C13orf42: variants seen among roughly 807,000 people sequenced by gnomAD.
The protein encoded by C13orf42 is uncharacterized protein C13orf42.
At chr13:51,125,352 G>C (rs1218349360) in intron 1 of C13orf42, among the ~76,000 whole-genome samples, 1 of 152,150 alleles carries the variant, frequency 6.6e-6, no homozygotes. Context: ...GAAGGAACTT[G>C]AGTGAAACTG....
chr13:51,139,097 G>A (rs1176496569), intron 1 of C13orf42, among the ~76,000 whole-genome samples: 3 of 152,048 alleles, frequency 2.0e-5, no homozygotes, highest in South Asian at 2.1e-4. Flanking sequence ...TGGGTGGGTC[G>A]CTTGAGGTCA....
intron 1 of C13orf42, among the ~76,000 whole-genome samples, chr13:51,150,861 T>G (rs1207399767): frequency 6.6e-6 from 1 of 152,152 alleles, no homozygotes; most frequent in Non-Finnish European, 1.5e-5. Context: ...ATGACTAGAA[T>G]CAAAAGGCTA....
intron 1 of C13orf42, among the ~76,000 whole-genome samples, chr13:51,150,013 G>C (rs950466547): frequency 1.3e-5 from 2 of 152,128 alleles, no homozygotes; most frequent in African/African-American, 4.8e-5. Flanking sequence ...AATATTTGAC[G>C]AATAAACTCA....
intron 1 of C13orf42, among the ~76,000 whole-genome samples, chr13:51,095,601 A>C (rs1953225905): frequency 6.6e-6 from 1 of 151,694 alleles, no homozygotes; most frequent in South Asian, 2.1e-4. Context: ...CCCATCTTCA[A>C]GTCTGCTGAT....
intron 1 of C13orf42, among the ~76,000 whole-genome samples, chr13:51,159,657 A>T (rs985059875): frequency 4.6e-5 from 7 of 152,252 alleles, no homozygotes; most frequent in Admixed American, 1.3e-4. Context: ...ATACAATAAA[A>T]GAGAAATAGA....
intron 1 of C13orf42, among the ~76,000 whole-genome samples, chr13:51,103,163 G>A (rs748481679): frequency 2.0e-5 from 3 of 152,154 alleles, no homozygotes; most frequent in Non-Finnish European, 4.4e-5. Context: ...CAAAGCAGCA[G>A]CCTGGCTCTG....
At chr13:51,116,295 T>C (rs182157983) in intron 1 of C13orf42, among the ~76,000 whole-genome samples, 193 of 152,114 alleles carry the variant, frequency 1.3e-3, no homozygotes, top group African/African-American at 4.5e-3. Context: ...AGCTTGGAGA[T>C]GAGTAATGAG....
At chr13:51,107,132 G>GTCT (rs1313262289) in intron 1 of C13orf42, among the ~76,000 whole-genome samples, 4 of 152,182 alleles carry the variant, frequency 2.6e-5, no homozygotes, top group Admixed American at 2.6e-4. Flanking sequence ...CACATGGGTG[G>GTCT]TCTTCTAGGC....
At chr13:51,107,628 C>T (rs572682135) in intron 1 of C13orf42, among the ~76,000 whole-genome samples, 57 of 152,182 alleles carry the variant, frequency 3.7e-4, no homozygotes, top group Non-Finnish European at 6.6e-4. Flanking sequence ...GAACACTGCT[C>T]CCTCCCTATA....
At chr13:51,095,537 G>T (rs569345997) in intron 1 of C13orf42, among the ~76,000 whole-genome samples, 91 of 147,648 alleles carry the variant, frequency 6.2e-4, no homozygotes, top group African/African-American at 2.1e-3. Flanking sequence ...TACTTATTTG[G>T]TTTTTTTTTT....
chr13:51,089,953 A>G lies in C13orf42; in HGVS notation c.415-1878T>C, dbSNP rs545751885. ...GAGCAGGAGGACCAGGTCCCAGAAC[A>G]TCATGGGTGGGGTGGCAGCTGAGAA... On this transcript the variant is annotated intron_variant, in intron 1 of 3. Coordinates refer to ENST00000563710, the MANE Select transcript of C13orf42 (RefSeq NM_001351589.3). Among the ~76,000 whole-genome samples the G allele has an allele frequency of 1.5e-4, 23 of 152,024 alleles. No individual in the cohort carries two copies. The East Asian group carries it at 3.9e-3, about 26-fold the overall frequency.
chr13:51,126,570 C>T (rs1953579092), intron 1 of C13orf42, among the ~76,000 whole-genome samples: 1 of 152,196 alleles, frequency 6.6e-6, no homozygotes, highest in Admixed American at 6.5e-5. Context: ...TTCTGTGATG[C>T]TTTATTTGCA....
intron 1 of C13orf42, among the ~76,000 whole-genome samples, chr13:51,133,830 T>C (rs966501294): frequency 6.6e-6 from 1 of 152,164 alleles, no homozygotes; most frequent in Admixed American, 6.5e-5. Flanking sequence ...GGCTCTGTGA[T>C]ACCAGACATC....
chr13:51,083,813 G>A lies in C13orf42; in HGVS notation c.*338C>T, dbSNP rs748839820. On this transcript the variant is annotated 3_prime_UTR_variant, in exon 4 of 4. Transcript: ENST00000563710. ...TGCTAGCAGCCACCTGGACAGACAC[G>A]TGGAGAATGAGGACCAGGCCAGGTG... is the stretch of plus-strand genomic sequence containing the variant. 3 of 188,088 alleles carry A rather than the reference G, an allele frequency of 1.6e-5. No individual in the cohort carries two copies. The highest frequency in any genetic ancestry group is 6.2e-5 in the Admixed American group (1 of 16,230). The allele number at this position is 188,088 out of a possible 1,614,324, so 11.7% of individuals were successfully genotyped here.
chr13:51,151,988 GGCCCA>G (rs1473368808), intron 1 of C13orf42, among the ~76,000 whole-genome samples: 1 of 152,128 alleles, frequency 6.6e-6, no homozygotes, highest in Non-Finnish European at 1.5e-5. Context: ...CAGAATCTCT[GGCCCA>G]GCCCAGCCCT....
At chr13:51,097,941 T>C (rs1333832134) in intron 1 of C13orf42, among the ~76,000 whole-genome samples, 2 of 152,156 alleles carry the variant, frequency 1.3e-5, no homozygotes, top group Non-Finnish European at 2.9e-5. Context: ...CCACTCCAGT[T>C]TGCCTTTCAC....
chr13:51,155,551 A>C (rs935687813), intron 1 of C13orf42, among the ~76,000 whole-genome samples: 1 of 152,214 alleles, frequency 6.6e-6, no homozygotes, highest in Non-Finnish European at 1.5e-5. Context: ...ATGCTGGGTG[A>C]TCCCACAGTG....
At chr13:51,146,282 A>T (rs984032094) in intron 1 of C13orf42, among the ~76,000 whole-genome samples, 8 of 152,172 alleles carry the variant, frequency 5.3e-5, no homozygotes, top group African/African-American at 1.9e-4. Flanking sequence ...CAGAGATAAC[A>T]CAGGAAACTC....
chr13:51,171,840 C>T (rs369130276), intron 1 of C13orf42: 30 of 152,182 alleles, frequency 2.0e-4, no homozygotes, highest in East Asian at 3.9e-4. Flanking sequence ...AACCCTGAGA[C>T]GCTTTACAGC....
Sources: gnomAD v4.1 joint callset for allele counts (sites outside exome capture counted in the v4.1 genomes callset) on GRCh38, gnomAD v4.1.1 for gene constraint, MANE v1.5 for transcripts, NCBI Gene and HGNC (gene_info 2026-07-23, HGNC 2026-07-21) for gene names.